ZNF568: variants seen among roughly 807,000 people sequenced by gnomAD.
ZNF568 encodes p53 inhibitor of SCO2 activation.
ZNF568 carries 11 observed loss-of-function variants against 18.1 expected under a neutral mutation model. The ratio of observed to expected loss-of-function variants is 0.61; its 90% CI spans 0.38 to 1.00. ZNF568 has a LOEUF of 1.00. ZNF568 is among the 50% of genes least tolerant of loss of function. ZNF568 has a pLI of 0.01. For synonymous variants in ZNF568, 213 were observed against 246.6 expected (o/e 0.86, Z 1.28); for missense variants, 639 against 768.2 (o/e 0.83, Z 1.99).
At chr19:36,957,731 G>A (rs2074118564), downstream of ZNF568, among the ~76,000 whole-genome samples, 1 of 152,204 alleles carries the variant, frequency 6.6e-6, no homozygotes, top group South Asian at 2.1e-4. Flanking sequence ...ACAAATATTG[G>A]CAGGTGGAAA....
downstream of ZNF568, among the ~76,000 whole-genome samples, chr19:36,953,483 T>C (rs973488676): frequency 1.3e-5 from 2 of 152,228 alleles, no homozygotes; most frequent in African/African-American, 4.8e-5. Flanking sequence ...TGAGCACTAA[T>C]AGTAGAGTTC....
At chr19:36,933,069 C>A (rs1217740342) in intron 4 of ZNF568, among the ~76,000 whole-genome samples, 1 of 148,244 alleles carries the variant, frequency 6.7e-6, no homozygotes, top group East Asian at 2.0e-4. Flanking sequence ...GTTGCTTGTG[C>A]TTTTGGTGTC....
intron 6 of ZNF568, among the ~76,000 whole-genome samples, chr19:36,968,923 T>G (rs1384782592): frequency 6.6e-6 from 1 of 151,336 alleles, no homozygotes; most frequent in African/African-American, 2.4e-5. Context: ...TGGCACAATC[T>G]CAGCTCACTG....
At chr19:36,947,044 C>G (rs2073979152) in intron 6 of ZNF568, among the ~76,000 whole-genome samples, 1 of 147,522 alleles carries the variant, frequency 6.8e-6, no homozygotes, top group Non-Finnish European at 1.5e-5. Flanking sequence ...GAGACTGAGT[C>G]TCACTCTGTT....
At chr19:36,980,107 G>A (rs2074319525), downstream of ZNF568, 1 of 151,110 alleles carries the variant, frequency 6.6e-6, no homozygotes, top group African/African-American at 2.4e-5. Flanking sequence ...TTAATGCTTT[G>A]TATGCATTTC....
intron 6 of ZNF568, among the ~76,000 whole-genome samples, chr19:36,963,149 A>G (rs1186652767): frequency 6.6e-6 from 1 of 152,220 alleles, no homozygotes; most frequent in Non-Finnish European, 1.5e-5. Flanking sequence ...ATCAAGAATA[A>G]GGCTACCATG....
At chr19:36,928,663 A>G (rs1202531335) in intron 4 of ZNF568, among the ~76,000 whole-genome samples, 1 of 152,216 alleles carries the variant, frequency 6.6e-6, no homozygotes, top group Non-Finnish European at 1.5e-5. Context: ...GAAACACAAG[A>G]ATGATTGAAA....
intron 4 of ZNF568, among the ~76,000 whole-genome samples, chr19:36,929,545 T>A (rs1336309611): frequency 6.6e-6 from 1 of 151,726 alleles, no homozygotes; most frequent in Non-Finnish European, 1.5e-5. Context: ...ATTAGCCGGG[T>A]GTGGTCGTAC....
At chr19:36,954,147 C>G (rs1354252563), downstream of ZNF568, among the ~76,000 whole-genome samples, 2 of 151,668 alleles carry the variant, frequency 1.3e-5, no homozygotes, top group African/African-American at 4.8e-5. Flanking sequence ...TTGCTTGAAC[C>G]TAGAGGGGCG....
In ZNF568 at chr19:36,937,246, A is replaced by G. The variant is rs1248578603; in HGVS notation, c.358+4A>G. The G allele has an allele frequency of 6.2e-7, 1 of 1,611,624 alleles. No individual in the cohort carries two copies. The highest frequency in any genetic ancestry group is 1.7e-5 in the Admixed American group (1 of 59,702). ...ATGTTTGGGAGGCACTGTCCAGGTG[A>G]ATAAGTGAAAAGCAGCTCTGAATGA... On this transcript the variant is annotated splice_donor_region_variant and intron_variant, in intron 6 of 6. Coordinates refer to ENST00000333987, the MANE Select transcript of ZNF568 (RefSeq NM_198539.4).
At chr19:36,937,563 T>C (rs10416960) in intron 6 of ZNF568, among the ~76,000 whole-genome samples, 2 of 152,108 alleles carry the variant, frequency 1.3e-5, no homozygotes, top group African/African-American at 4.8e-5. Flanking sequence ...CTTTCCTTTA[T>C]GTTTATGGTT....
intron 4 of ZNF568, among the ~76,000 whole-genome samples, chr19:36,932,255 T>A (rs2073699665): frequency 6.6e-6 from 1 of 152,216 alleles, no homozygotes. Context: ...ATGAAATTGC[T>A]AGATCATATG....
chr19:36,967,946 C>T (rs1169823633), intron 6 of ZNF568, among the ~76,000 whole-genome samples: 1 of 152,182 alleles, frequency 6.6e-6, no homozygotes, highest in East Asian at 1.9e-4. Context: ...ATCTCAACAA[C>T]ATGAAAATGC....
At chr19:36,927,881 TATATATTATATATATATATATA>T (rs1568381355) in intron 4 of ZNF568, among the ~76,000 whole-genome samples, 11 of 55,942 alleles carry the variant, frequency 2.0e-4, no homozygotes, top group Admixed American at 7.7e-4. Context: ...TATATATATA[TATATATTATATATATATATATA>T]TTTTTTTTTT....
At chr19:36,944,813 A>T (rs1858546568) in intron 6 of ZNF568, among the ~76,000 whole-genome samples, 1 of 152,178 alleles carries the variant, frequency 6.6e-6, no homozygotes, top group African/African-American at 2.4e-5. Flanking sequence ...AGTAATGCTA[A>T]TATTACTAAT....
intron 2 of ZNF568, among the ~76,000 whole-genome samples, chr19:36,986,557 T>C (rs994986503): frequency 2.0e-5 from 3 of 152,188 alleles, no homozygotes; most frequent in African/African-American, 7.2e-5. Context: ...CTCTTATTTT[T>C]CAGCTGGTGA....
intron 2 of ZNF568, among the ~76,000 whole-genome samples, chr19:36,917,973 G>C (rs1363086269): frequency 6.6e-6 from 1 of 152,062 alleles, no homozygotes; most frequent in African/African-American, 2.4e-5. Context: ...TTTTGAGACG[G>C]AGTCTCGCTC....
Position 36,950,054 on chromosome 19 carries a change from A to G in ZNF568, c.901A>G (p.Thr301Ala). The G allele has an allele frequency of 6.2e-7, 1 of 1,613,784 alleles. No homozygotes were observed. Among genetic ancestry groups the G allele is most frequent in the Non-Finnish European group, 8.5e-7 (1 of 1,179,882 alleles). Residue 301 changes from threonine (T) to alanine (A), a missense_variant, in exon 7 of 7, where the codon ACT becomes GCT. Physicochemically the swap from Thr to Ala is moderately conservative, Grantham distance 58. Transcript: ENST00000333987. The stretch of plus-strand genomic sequence containing the variant: ...CCTTATTAGACACCACAGAATTCAT[A>G]CTGGGGAGAAACCTTATGCATGTAA... ...SNLIRHHRIH[T>A]GEKPYACKDC...
rs2074047655 is a variant in ZNF568, at chr19:36,950,821, A to G, written c.1668A>G (p.Lys556=). ...LEHEKIHTGE[K]PFKCNECGKA... ...ATGAAAAAATTCATACTGGAGAGAA[A>G]CCATTCAAATGTAATGAATGTGGTA... The change falls in exon 7 of 7, where the codon AAA becomes AAG. Residue 556 remains lysine, a synonymous_variant. Coordinates refer to ENST00000333987, the MANE Select transcript of ZNF568 (RefSeq NM_198539.4). 6.2e-7 allele frequency: 1 copy of G among 1,613,806 alleles called. No individual in the cohort carries two copies. Among genetic ancestry groups the G allele is most frequent in the Non-Finnish European group, 8.5e-7 (1 of 1,179,966 alleles).
Sources: allele counts gnomAD v4.1 joint callset (sites outside exome capture counted in the v4.1 genomes callset), GRCh38; gene constraint gnomAD v4.1.1; transcripts MANE v1.5; gene names NCBI Gene and HGNC (gene_info 2026-07-23, HGNC 2026-07-21).